XYLT1: variants seen among roughly 807,000 people sequenced by gnomAD.
XYLT1 encodes the protein beta-D-xylosyltransferase 1.
In XYLT1, 36 loss-of-function variants were observed where a neutral mutation model predicts 91.3. The ratio of observed to expected loss-of-function variants is 0.39; its 90% CI spans 0.30 to 0.52. The LOEUF (loss-of-function observed/expected upper bound fraction) is 0.52, where lower values mean the gene tolerates loss of function less well. XYLT1 is among the 20% of genes least tolerant of loss of function. The probability of loss-of-function intolerance (pLI) is 0.68; values close to 1 mark genes in which losing one functional copy is unlikely to be tolerated. For synonymous variants in XYLT1, 588 were observed against 532.0 expected (o/e 1.11, Z -1.45); for missense variants, 1,242 against 1,284.5 (o/e 0.97, Z 0.51).
intron 3 of XYLT1, among the ~76,000 whole-genome samples, chr16:17,253,473 C>A (rs1267156404): frequency 6.6e-6 from 1 of 152,144 alleles, no homozygotes; most frequent in Non-Finnish European, 1.5e-5. Flanking sequence ...AGTGCAGGAA[C>A]CCCTGGCCTA....
At chr16:17,363,338 A>C (rs1011250823) in intron 1 of XYLT1, among the ~76,000 whole-genome samples, 10 of 152,312 alleles carry the variant, frequency 6.6e-5, no homozygotes, top group South Asian at 6.2e-4. Flanking sequence ...CTGCTATAAT[A>C]ATACACAGGT....
Position 17,111,842 on chromosome 16 carries a change from C to T in XYLT1, c.2558-2825G>A, listed in dbSNP as rs115575730. Among the ~76,000 whole-genome samples, 494 of 152,296 alleles carry T rather than the reference C, an allele frequency of 3.2e-3. 2 individuals are homozygous for T. Among genetic ancestry groups the T allele is most frequent in the African/African-American group, 0.011 (446 of 41,562 alleles). On this transcript the variant is annotated intron_variant, in intron 11 of 11. Transcript: ENST00000261381. ...GGTTTAGCAAAGCTGCTTTCTCCCA[C>T]GGTAGTTAGGAGCCACAGTGTTTGG...
chr16:17,432,527 T>C (rs1452625931), intron 1 of XYLT1, among the ~76,000 whole-genome samples: 1 of 152,156 alleles, frequency 6.6e-6, no homozygotes, highest in African/African-American at 2.4e-5. Flanking sequence ...TGCCTGGAAA[T>C]GGACTCCGAT....
At chr16:17,197,248 A>G (rs1405212326) in intron 5 of XYLT1, among the ~76,000 whole-genome samples, 2 of 151,912 alleles carry the variant, frequency 1.3e-5, no homozygotes, top group Non-Finnish European at 2.9e-5. Flanking sequence ...CTCTGGGCTC[A>G]GCCCCTGCCT....
intron 6 of XYLT1, among the ~76,000 whole-genome samples, chr16:17,149,413 A>G (rs1020219682): frequency 1.3e-5 from 2 of 152,214 alleles, no homozygotes; most frequent in South Asian, 4.1e-4. Flanking sequence ...GAATGAAAGT[A>G]CAAATGATAC....
intron 2 of XYLT1, among the ~76,000 whole-genome samples, chr16:17,314,390 T>A (rs7204863): frequency 0.054 from 8,235 of 151,954 alleles, 760 homozygotes; most frequent in African/African-American, 0.19. Flanking sequence ...CGTTGCCGAG[T>A]CAGTCATTTT....
chr16:17,158,120 T>G (rs1776169798), intron 6 of XYLT1, among the ~76,000 whole-genome samples: 1 of 152,354 alleles, frequency 6.6e-6, no homozygotes, highest in South Asian at 2.1e-4. Context: ...CAATACTGTA[T>G]CCCTTCCAGT....
intron 5 of XYLT1, among the ~76,000 whole-genome samples, chr16:17,169,695 T>C (rs1003405481): frequency 1.3e-5 from 2 of 152,140 alleles, no homozygotes; most frequent in African/African-American, 4.8e-5. Flanking sequence ...GGATCGTGTG[T>C]GTGCACATAT....
At chr16:17,280,192 G>T (rs1431996482) in intron 2 of XYLT1, among the ~76,000 whole-genome samples, 2 of 152,078 alleles carry the variant, frequency 1.3e-5, no homozygotes, top group African/African-American at 2.4e-5. Context: ...CTCTAATAAA[G>T]CTACAAAAAT....
chr16:17,121,391 G>A (rs2030049715), intron 10 of XYLT1, among the ~76,000 whole-genome samples: 1 of 152,148 alleles, frequency 6.6e-6, no homozygotes, highest in Non-Finnish European at 1.5e-5. Flanking sequence ...GGGCCCTGCT[G>A]CTGTCACATC....
intron 5 of XYLT1, among the ~76,000 whole-genome samples, chr16:17,171,578 G>A (rs2031820771): frequency 6.6e-6 from 1 of 152,234 alleles, no homozygotes; most frequent in African/African-American, 2.4e-5. Flanking sequence ...AATTTCAAAA[G>A]GATTTTTAAA....
rs2141969876 is a variant in XYLT1, at chr16:17,470,424, G to A, written c.363+10C>T. On this transcript the variant is annotated intron_variant, in intron 1 of 11. Coordinates refer to ENST00000261381, the MANE Select transcript of XYLT1 (RefSeq NM_022166.4). ...CTCGCCGCGGGGCGCGAGCCGAAAG[G>A]GCATCTTACCAGAGCCCGGGCGGGC... 8.1e-7 allele frequency: 1 copy of A among 1,229,150 alleles called. No individual in the cohort carries two copies. The highest frequency in any genetic ancestry group is 1.0e-6 in the Non-Finnish European group (1 of 985,628). 76.1% of individuals were successfully genotyped at this position (1,229,150 alleles called of 1,614,324 possible). A position where few individuals can be genotyped will look rare whatever the true frequency, so the allele number is the denominator to read the frequency against.
Position 17,363,961 on chromosome 16 carries a change from G to A in XYLT1, c.364-5911C>T, listed in dbSNP as rs547237056. Reference sequence around the variant, plus strand: ...CCCAAAGTGCTGGGATTAAAGGCATGAGCCACCAGGCCTGGCTCAAATTTC... The same window carrying A: ...CCCAAAGTGCTGGGATTAAAGGCATAAGCCACCAGGCCTGGCTCAAATTTC... On this transcript the variant is annotated intron_variant, in intron 1 of 11. Coordinates refer to ENST00000261381, the MANE Select transcript of XYLT1 (RefSeq NM_022166.4). Among the ~76,000 whole-genome samples the A allele has an allele frequency of 2.6e-5, 4 of 152,342 alleles. No homozygotes were observed. The East Asian group carries it at 7.7e-4, about 29-fold the overall frequency.
chr16:17,150,735 G>C (rs889491856), intron 6 of XYLT1, among the ~76,000 whole-genome samples: 3 of 152,128 alleles, frequency 2.0e-5, no homozygotes, highest in Non-Finnish European at 4.4e-5. Flanking sequence ...AGTAGACATC[G>C]AGAAATATGA....
intron 5 of XYLT1, among the ~76,000 whole-genome samples, chr16:17,189,610 A>G (rs548648274): frequency 2.0e-5 from 3 of 152,384 alleles, no homozygotes; most frequent in East Asian, 1.9e-4. Flanking sequence ...TGGTACAAGT[A>G]TATCAACATG....
In XYLT1 at chr16:17,300,452, C is replaced by CTTTTTTTTTTTTTTTTTTTTTTTTTTT. The variant is rs67480834; in HGVS notation, c.403-40955_403-40954insAAAAAAAAAAAAAAAAAAAAAAAAAAA. ...CAGCTATTTCTTTCTTTCATTCTTT[C>CTTTTTTTTTTTTTTTTTTTTTTTTTTT]TTTTTTTTTTTTTTTTTTTTTTGAG... On this transcript the variant is annotated intron_variant, in intron 2 of 11. Coordinates refer to ENST00000261381, the MANE Select transcript of XYLT1 (RefSeq NM_022166.4). Among the ~76,000 whole-genome samples, 17 of 64,842 alleles carry CTTTTTTTTTTTTTTTTTTTTTTTTTTT rather than the reference C, an allele frequency of 2.6e-4. 1 individual carries two copies. Among genetic ancestry groups the CTTTTTTTTTTTTTTTTTTTTTTTTTTT allele is most frequent in the African/African-American group, 7.5e-4 (12 of 16,068 alleles). 42.5% of individuals were successfully genotyped at this position (64,842 alleles called of 152,430 possible). A position where few individuals can be genotyped will look rare whatever the true frequency, so the allele number is the denominator to read the frequency against.
At chr16:17,406,115 G>A (rs1232954372) in intron 1 of XYLT1, among the ~76,000 whole-genome samples, 1 of 152,186 alleles carries the variant, frequency 6.6e-6, no homozygotes, top group African/African-American at 2.4e-5. Flanking sequence ...AACCTGGGAG[G>A]TGGAGGCTGC....
chr16:17,232,401 GTGTC>G (rs1389515978), intron 3 of XYLT1, among the ~76,000 whole-genome samples: 1 of 119,754 alleles, frequency 8.4e-6, no homozygotes, highest in African/African-American at 3.7e-5. Flanking sequence ...CTGTGTGTCT[GTGTC>G]TGTGTGTGTG....
intron 9 of XYLT1, among the ~76,000 whole-genome samples, chr16:17,128,973 C>G (rs1205784421): frequency 7.0e-6 from 1 of 142,952 alleles, no homozygotes; most frequent in Non-Finnish European, 1.5e-5. Flanking sequence ...AGTTTTAAGT[C>G]TTTATGTCCA....
Sources: allele counts gnomAD v4.1 joint callset (sites outside exome capture counted in the v4.1 genomes callset), GRCh38; gene constraint gnomAD v4.1.1; transcripts MANE v1.5; gene names NCBI Gene and HGNC (gene_info 2026-07-23, HGNC 2026-07-21).